Variants in PON2 observed in about 807,000 individuals in gnomAD.
PON2 encodes paraoxonase 2.
A neutral mutation model predicts 36.6 loss-of-function variants in PON2; 27 were observed. That is an observed-to-expected ratio of 0.74 (90% CI 0.54 to 1.02). PON2 has a LOEUF of 1.02. Among genes scored for constraint, PON2 ranks in the 50% least tolerant of loss-of-function variants. The probability of loss-of-function intolerance (pLI) is 0.00; values close to 1 mark genes in which losing one functional copy is unlikely to be tolerated. For synonymous variants in PON2, 149 were observed against 156.3 expected (o/e 0.95, Z 0.35); for missense variants, 363 against 421.1 (o/e 0.86, Z 1.21).
chr7:95,417,727 C>CACACACACT (rs1562788872), intron 2 of PON2, among the ~76,000 whole-genome samples: 15 of 80,212 alleles, frequency 1.9e-4, no homozygotes, highest in African/African-American at 8.1e-4. Flanking sequence ...ACACACACAC[C>CACACACACT]GAGAGAGAAT....
At chr7:95,410,468 G>C (rs1788896031) in intron 5 of PON2, among the ~76,000 whole-genome samples, 1 of 152,180 alleles carries the variant, frequency 6.6e-6, no homozygotes, top group East Asian at 1.9e-4. Flanking sequence ...TGATTGGCTG[G>C]TGAGCTGGTT....
chr7:95,434,134 A>G (rs1467499159), intron 1 of PON2: 2 of 152,258 alleles, frequency 1.3e-5, no homozygotes, highest in African/African-American at 4.8e-5. Flanking sequence ...AGGCTGGAGG[A>G]TTGCTTGAGT....
At chr7:95,406,325 C>G in intron 7 of PON2, 78 bp from the exon 8 acceptor site, 1 of 1,466,566 alleles carries the variant, frequency 6.8e-7, no homozygotes, top group Non-Finnish European at 9.5e-7. Context: ...CTTCCTGCCT[C>G]TATGCATGTG....
chr7:95,433,276 A>C (rs1288146911), intron 1 of PON2, among the ~76,000 whole-genome samples: 1 of 151,850 alleles, frequency 6.6e-6, no homozygotes. Context: ...TTATTTATTC[A>C]TTTTGTAGAG....
At chr7:95,409,805 A>G (rs939839157) in intron 6 of PON2, 96 bp downstream of exon 6, 1 of 990,648 alleles carries the variant, frequency 1.0e-6, no homozygotes, top group Non-Finnish European at 1.6e-6. Context: ...ATAAATGTCA[A>G]GAAAACTATT....
At chr7:95,424,673 C>T in intron 1 of PON2, 88 bp from the exon 2 acceptor site, 2 of 946,654 alleles carry the variant, frequency 2.1e-6, no homozygotes, top group Non-Finnish European at 3.3e-6. Context: ...AAGAGGCTTA[C>T]AGCAATACAT....
At chr7:95,406,273 C>A in intron 7 of PON2, 26 bp from the exon 8 acceptor site, 3 of 1,599,952 alleles carry the variant, frequency 1.9e-6, no homozygotes, top group Non-Finnish European at 2.6e-6. Context: ...TTGTCAAAAT[C>A]TAAATGACAT....
intron 5 of PON2, among the ~76,000 whole-genome samples, chr7:95,411,177 G>A (rs1788913844): frequency 6.6e-6 from 1 of 151,992 alleles, no homozygotes; most frequent in Non-Finnish European, 1.5e-5. Flanking sequence ...TAATTCTGTG[G>A]GATTACTAGC....
Position 95,434,378 on chromosome 7 carries a change from G to A in PON2, c.74+500C>T, listed in dbSNP as rs1467417475. 3 of 155,134 alleles carry A rather than the reference G, an allele frequency of 1.9e-5. No individual in the cohort carries two copies. In the Admixed American group the frequency reaches 2.0e-4, roughly 10 times the overall value. 9.6% of individuals were successfully genotyped at this position (155,134 alleles called of 1,614,324 possible). A position where few individuals can be genotyped will look rare whatever the true frequency, so the allele number is the denominator to read the frequency against. ...TAAGAACAGTAGCTGAATATTTCAA[G>A]TGTCTTTGATCTACAGCTGAAGAGT... is the stretch of plus-strand genomic sequence containing the variant. On this transcript the variant is annotated intron_variant, in intron 1 of 8. Transcript: ENST00000222572.
Position 95,412,399 on chromosome 7 carries a change from TTTC to T in PON2, c.277_279del (p.Glu93del), listed in dbSNP as rs1788949438. On this transcript the variant is annotated inframe_deletion, in exon 4 of 9. Coordinates refer to ENST00000222572, the MANE Select transcript of PON2 (RefSeq NM_000305.3). ...ATTCTTAATTCCCGTGCCCTTGGTT[TTTC>T]TTCTTTTAGATCCATCATTAGTATT... 1.9e-6 allele frequency: 3 copies of T among 1,614,078 alleles called. No individual in the cohort carries two copies. The highest frequency in any genetic ancestry group is 1.7e-6 in the Non-Finnish European group (2 of 1,180,036).
intron 1 of PON2, 136 bp downstream of exon 1, chr7:95,434,742 A>C: frequency 1.1e-6 from 1 of 894,728 alleles, no homozygotes; most frequent in African/African-American, 1.8e-5. Context: ...GAGGGACAGC[A>C]TTCAAAAATT....
intron 1 of PON2, among the ~76,000 whole-genome samples, chr7:95,428,894 A>G (rs990550079): frequency 6.6e-6 from 1 of 152,168 alleles, no homozygotes; most frequent in Non-Finnish European, 1.5e-5. Context: ...AAGCATTCTC[A>G]TAGTCCCACT....
chr7:95,415,941 A>G lies in PON2; in HGVS notation c.201+301T>C, dbSNP rs543180423. On this transcript the variant is annotated intron_variant, in intron 3 of 8. Coordinates refer to ENST00000222572, the MANE Select transcript of PON2 (RefSeq NM_000305.3). ...CACTCCAGCCGGGGCAACCAGAACA[A>G]GACTCCGTCTCAAAAAATAAAAAAA... 1.4e-3 allele frequency: 583 copies of G among 409,196 alleles called. 12 individuals are homozygous for G. The highest frequency in any genetic ancestry group is 0.014 in the South Asian group (550 of 40,018). The allele number at this position is 409,196 out of a possible 1,614,324, so 25.3% of individuals were successfully genotyped here.
chr7:95,416,260 A>C lies in PON2; in HGVS notation c.183T>G (p.Gly61=), dbSNP rs771321491. The C allele has an allele frequency of 8.1e-6, 13 of 1,613,200 alleles. No individual in the cohort carries two copies. The highest frequency in any genetic ancestry group is 1.0e-5 in the Non-Finnish European group (12 of 1,179,310). The change falls in exon 3 of 9, where the codon GGT becomes GGG. Residue 61 remains glycine (G), a synonymous_variant. Coordinates refer to ENST00000222572, the MANE Select transcript of PON2 (RefSeq NM_000305.3). ...CACTCACCACACTAAAAAAAGCCAG[A>C]CCATTGGGAAGTATGTCAATATCTT... ...GSEDIDILPN[G]LAFFSVGLKF... is the part of the protein sequence containing the mutation.
At position 95,412,228 on chromosome 7, in the gene PON2, T is replaced by G. The variant is rs1354664190; in HGVS notation, c.367+84A>C. On this transcript the variant is annotated intron_variant, in intron 4 of 8. Transcript: ENST00000222572. The stretch of plus-strand genomic sequence containing the variant: ...CATGAGTTAATTGTTCTTCTCTTCC[T>G]AGAAATATGATCCAAATCTATTTTT... 4.5e-6 allele frequency: 7 copies of G among 1,540,532 alleles called. No homozygotes were observed. The Admixed American group carries it at 1.2e-4, about 26-fold the overall frequency.
intron 2 of PON2, among the ~76,000 whole-genome samples, chr7:95,423,705 C>T (rs1163798804): frequency 6.6e-6 from 1 of 152,058 alleles, no homozygotes; most frequent in Non-Finnish European, 1.5e-5. Flanking sequence ...TTGTGAAGTG[C>T]CGGTACATCA....
At chr7:95,415,343 C>T (rs1316149524) in intron 3 of PON2, 3 of 152,076 alleles carry the variant, frequency 2.0e-5, no homozygotes, top group Non-Finnish European at 4.4e-5. Flanking sequence ...ATTCACAAGC[C>T]AATTGTTTTT....
At chr7:95,425,930 G>T (rs550328786) in intron 1 of PON2, among the ~76,000 whole-genome samples, 1 of 151,678 alleles carries the variant, frequency 6.6e-6, no homozygotes, top group Admixed American at 6.6e-5. Context: ...TTTAAATAAG[G>T]CATTAAAAAA....
chr7:95,432,302 C>G (rs992768059), intron 1 of PON2, among the ~76,000 whole-genome samples: 1 of 152,222 alleles, frequency 6.6e-6, no homozygotes, highest in South Asian at 2.1e-4. Flanking sequence ...CCCAGCTACT[C>G]AGGAGGCTGA....
Sources: gnomAD v4.1 joint callset for allele counts (sites outside exome capture counted in the v4.1 genomes callset) on GRCh38, gnomAD v4.1.1 for gene constraint, MANE v1.5 for transcripts, NCBI Gene and HGNC (gene_info 2026-07-23, HGNC 2026-07-21) for gene names.